Variants in TRPS1 observed in about 807,000 individuals in gnomAD.
The protein encoded by TRPS1 is zinc finger transcription factor Trps1.
In TRPS1, 6 loss-of-function variants were observed where a neutral mutation model predicts 101.2. The observed-to-expected ratio is 0.06, with a 90% confidence interval of 0.03 to 0.12. The LOEUF (loss-of-function observed/expected upper bound fraction) is 0.12, where lower values mean the gene tolerates loss of function less well. TRPS1 is among the 10% of genes least tolerant of loss of function. The probability of loss-of-function intolerance (pLI) is 1.00; values close to 1 mark genes in which losing one functional copy is unlikely to be tolerated. For synonymous variants in TRPS1, 578 were observed against 589.8 expected, an observed-to-expected ratio of 0.98 and a Z score of 0.29; for missense variants, 1,363 against 1,567.0, an observed-to-expected ratio of 0.87 and a Z score of 2.20.
intron 5 of TRPS1, among the ~76,000 whole-genome samples, chr8:115,459,525 T>C (rs1014495688): frequency 5.9e-5 from 9 of 152,028 alleles, no homozygotes; most frequent in African/African-American, 1.2e-4. Context: ...GCTGAGAAAA[T>C]TGAGTAATTT....
At chr8:115,658,520 G>A (rs1811726501) in intron 1 of TRPS1, among the ~76,000 whole-genome samples, 1 of 151,988 alleles carries the variant, frequency 6.6e-6, no homozygotes, top group South Asian at 2.1e-4. Context: ...CTGAAAATGG[G>A]AAAAATTAAA....
At chr8:115,569,333 C>T (rs1817145833) in intron 5 of TRPS1, among the ~76,000 whole-genome samples, 1 of 152,090 alleles carries the variant, frequency 6.6e-6, no homozygotes, top group Non-Finnish European at 1.5e-5. Context: ...TATACCCTCT[C>T]TCCCTCCTTT....
intron 5 of TRPS1, among the ~76,000 whole-genome samples, chr8:115,497,945 G>A (rs889418854): frequency 1.3e-5 from 2 of 152,004 alleles, no homozygotes; most frequent in African/African-American, 4.8e-5. Flanking sequence ...ACAACATCAG[G>A]AATGGAGAAA....
intron 1 of TRPS1, among the ~76,000 whole-genome samples, chr8:115,648,491 T>TGTC (rs1563669110): frequency 6.6e-6 from 1 of 152,200 alleles, no homozygotes; most frequent in Non-Finnish European, 1.5e-5. Flanking sequence ...CAGCTCCTGT[T>TGTC]GTGTCGCCGC....
intron 5 of TRPS1, among the ~76,000 whole-genome samples, chr8:115,544,710 A>G (rs1029310276): frequency 6.6e-6 from 1 of 152,146 alleles, no homozygotes; most frequent in Admixed American, 6.6e-5. Flanking sequence ...ATGCTGTAAC[A>G]TTTGCATTCG....
chr8:115,664,030 G>A (rs1353569834), intron 1 of TRPS1, among the ~76,000 whole-genome samples: 4 of 151,950 alleles, frequency 2.6e-5, no homozygotes, highest in Admixed American at 6.6e-5. Flanking sequence ...TAATAAAATC[G>A]AAGATATTAT....
chr8:115,638,726 G>A (rs1818826324), intron 1 of TRPS1, among the ~76,000 whole-genome samples: 1 of 152,032 alleles, frequency 6.6e-6, no homozygotes, highest in Admixed American at 6.6e-5. Flanking sequence ...TGGTTTTGGC[G>A]GGGTTTTTAC....
chr8:115,464,903 A>G (rs1814280196), intron 5 of TRPS1, among the ~76,000 whole-genome samples: 1 of 152,130 alleles, frequency 6.6e-6, no homozygotes, highest in South Asian at 2.1e-4. Flanking sequence ...GATGTGCTAT[A>G]TCAAAGTATA....
chr8:115,494,802 C>A (rs376462525), intron 5 of TRPS1, among the ~76,000 whole-genome samples: 17 of 152,124 alleles, frequency 1.1e-4, no homozygotes, highest in African/African-American at 4.1e-4. Flanking sequence ...TGATACAGTT[C>A]GATGAATCGG....
chr8:115,437,575 T>G (rs1271619109), intron 5 of TRPS1, among the ~76,000 whole-genome samples: 1 of 152,212 alleles, frequency 6.6e-6, no homozygotes, highest in Admixed American at 6.6e-5. Flanking sequence ...TTGTTCCCAT[T>G]GGCACATACG....
At chr8:115,450,301 A>C (rs2737270) in intron 5 of TRPS1, among the ~76,000 whole-genome samples, 1 of 152,170 alleles carries the variant, frequency 6.6e-6, no homozygotes, top group Admixed American at 6.5e-5. Flanking sequence ...GAGATTAGAC[A>C]GTCCATACTC....
intron 4 of TRPS1, among the ~76,000 whole-genome samples, chr8:115,597,560 T>A (rs1460805230): frequency 6.6e-6 from 1 of 152,116 alleles, no homozygotes; most frequent in African/African-American, 2.4e-5. Flanking sequence ...ACAGAATTTG[T>A]ATATTTTTAT....
intron 5 of TRPS1, among the ~76,000 whole-genome samples, chr8:115,437,778 T>C (rs79983002): frequency 0.017 from 2,590 of 152,268 alleles, 63 homozygotes; most frequent in African/African-American, 0.058. Context: ...TTAAATTTAC[T>C]ATTAATGTCA....
chr8:115,594,150 C>T (rs1040078251), intron 4 of TRPS1, among the ~76,000 whole-genome samples: 1 of 152,140 alleles, frequency 6.6e-6, no homozygotes, highest in South Asian at 2.1e-4. Context: ...TTTGAGTGAT[C>T]CTATGAATAA....
chr8:115,417,185 T>C (rs1042320601), intron 6 of TRPS1, among the ~76,000 whole-genome samples: 3 of 152,162 alleles, frequency 2.0e-5, no homozygotes, highest in Non-Finnish European at 4.4e-5. Context: ...AAATCATTAA[T>C]GTCAGTTCCC....
chr8:115,437,449 G>A (rs547255517), intron 5 of TRPS1, among the ~76,000 whole-genome samples: 5 of 152,292 alleles, frequency 3.3e-5, no homozygotes, highest in African/African-American at 1.2e-4. Flanking sequence ...TACTTGAAAG[G>A]CCACTAGAGC....
At chr8:115,450,773 C>T (rs2129925403) in intron 5 of TRPS1, among the ~76,000 whole-genome samples, 1 of 152,238 alleles carries the variant, frequency 6.6e-6, no homozygotes, top group East Asian at 1.9e-4. Flanking sequence ...GCCTCTTCCT[C>T]AATAAAAACA....
At chr8:115,574,743 T>TATAC (rs1453176485) in intron 5 of TRPS1, among the ~76,000 whole-genome samples, 62 of 151,648 alleles carry the variant, frequency 4.1e-4, no homozygotes, top group African/African-American at 1.4e-3. Flanking sequence ...TTAAATCCCA[T>TATAC]ATATATATAT....
intron 5 of TRPS1, among the ~76,000 whole-genome samples, chr8:115,528,033 T>G (rs1816042481): frequency 6.6e-6 from 1 of 152,076 alleles, no homozygotes; most frequent in Non-Finnish European, 1.5e-5. Flanking sequence ...AAATGGAGAA[T>G]TATAAATTGG....
Sources: allele counts gnomAD v4.1 joint callset (sites outside exome capture counted in the v4.1 genomes callset), GRCh38; gene constraint gnomAD v4.1.1; transcripts MANE v1.5; gene names NCBI Gene and HGNC (gene_info 2026-07-23, HGNC 2026-07-21).